Variants in PDE7B observed in about 807,000 individuals in gnomAD.
The protein encoded by PDE7B is 3',5'-cyclic-AMP phosphodiesterase 7B.
In PDE7B, 29 loss-of-function variants were observed where a neutral mutation model predicts 56.2. The observed-to-expected ratio is 0.52, with a 90% confidence interval of 0.38 to 0.70. The LOEUF is 0.70. PDE7B is among the 30% of genes least tolerant of loss of function. The pLI is 0.00. For synonymous variants in PDE7B, 197 were observed against 196.9 expected, an observed-to-expected ratio of 1.00 and a Z score of 0.00; for missense variants, 490 against 565.0, an observed-to-expected ratio of 0.87 and a Z score of 1.35.
chr6:136,062,621 A>T (rs1214901829), intron 2 of PDE7B, among the ~76,000 whole-genome samples: 1 of 152,174 alleles, frequency 6.6e-6, no homozygotes, highest in Non-Finnish European at 1.5e-5. Flanking sequence ...AGATGTCAGG[A>T]TCACTGAGGT....
At chr6:136,009,366 G>A (rs543986517) in intron 2 of PDE7B, among the ~76,000 whole-genome samples, 1 of 152,150 alleles carries the variant, frequency 6.6e-6, no homozygotes, top group African/African-American at 2.4e-5. Flanking sequence ...TTCTAATTCT[G>A]TGAAGAAAGT....
intron 2 of PDE7B, among the ~76,000 whole-genome samples, chr6:135,972,089 C>T (rs1775102875): frequency 6.6e-6 from 1 of 151,976 alleles, no homozygotes; most frequent in Non-Finnish European, 1.5e-5. Context: ...ACACAATTAG[C>T]TGGGTGTGGT....
intron 2 of PDE7B, among the ~76,000 whole-genome samples, chr6:136,037,077 C>G (rs1395136082): frequency 6.6e-6 from 1 of 152,228 alleles, no homozygotes; most frequent in Non-Finnish European, 1.5e-5. Context: ...TTCAACCACT[C>G]TCAGGTCGGG....
intron 2 of PDE7B, among the ~76,000 whole-genome samples, chr6:136,032,733 A>C (rs945620283): frequency 6.6e-6 from 1 of 152,198 alleles, no homozygotes; most frequent in African/African-American, 2.4e-5. Flanking sequence ...TGTTTAATGA[A>C]CTTGTCAACT....
intron 1 of PDE7B, among the ~76,000 whole-genome samples, chr6:135,909,858 G>A (rs1281477418): frequency 6.6e-6 from 1 of 152,118 alleles, no homozygotes; most frequent in Admixed American, 6.5e-5. Flanking sequence ...GTCAGCAGCC[G>A]TAGACTCGGA....
intron 11 of PDE7B, among the ~76,000 whole-genome samples, chr6:136,184,375 T>C (rs974624181): frequency 6.6e-6 from 1 of 152,192 alleles, no homozygotes. Context: ...GAATCTGAGC[T>C]CAGTTTTGAG....
At chr6:135,963,418 C>T (rs1012283858) in intron 2 of PDE7B, among the ~76,000 whole-genome samples, 2 of 152,086 alleles carry the variant, frequency 1.3e-5, no homozygotes, top group African/African-American at 2.4e-5. Flanking sequence ...AGAGAAGAAA[C>T]GGAGAGAAAT....
chr6:136,149,237 G>C (rs1778470796), intron 5 of PDE7B, 87 bp downstream of exon 5: 4 of 865,802 alleles, frequency 4.6e-6, no homozygotes, highest in Admixed American at 3.8e-5. Flanking sequence ...TTTAAACACT[G>C]CTATTCCTTT....
chr6:135,925,585 A>G (rs1276938024), intron 1 of PDE7B, among the ~76,000 whole-genome samples: 2 of 152,188 alleles, frequency 1.3e-5, no homozygotes, highest in Non-Finnish European at 2.9e-5. Context: ...ACCTTGCCAC[A>G]AAACACCCAA....
chr6:136,074,960 C>T (rs1777107417), intron 2 of PDE7B, among the ~76,000 whole-genome samples: 1 of 152,178 alleles, frequency 6.6e-6, no homozygotes, highest in Non-Finnish European at 1.5e-5. Context: ...GAAATTTCTG[C>T]ATCATATGGT....
chr6:135,909,821 C>T (rs1776180688), intron 1 of PDE7B, among the ~76,000 whole-genome samples: 1 of 152,058 alleles, frequency 6.6e-6, no homozygotes, highest in South Asian at 2.1e-4. Flanking sequence ...CTGGTGGAGA[C>T]AAAAGTGCAA....
intron 1 of PDE7B, among the ~76,000 whole-genome samples, chr6:135,892,178 G>A (rs1283444258): frequency 6.6e-6 from 1 of 152,106 alleles, no homozygotes; most frequent in African/African-American, 2.4e-5. Flanking sequence ...GTAGAAATAA[G>A]TCTCATGACT....
chr6:135,919,866 T>A (rs917574971), intron 1 of PDE7B, among the ~76,000 whole-genome samples: 1 of 152,148 alleles, frequency 6.6e-6, no homozygotes, highest in Non-Finnish European at 1.5e-5. Flanking sequence ...CTGAAGAAAC[T>A]CTGCCTCATC....
chr6:136,138,215 C>T (rs1016853153), intron 3 of PDE7B, among the ~76,000 whole-genome samples: 7 of 152,172 alleles, frequency 4.6e-5, no homozygotes, highest in African/African-American at 9.6e-5. Flanking sequence ...TAATCATTTA[C>T]GTTTCTACCC....
chr6:135,851,772 C>G lies in PDE7B; in HGVS notation c.-227C>G. 1.9e-6 allele frequency: 1 copy of G among 532,788 alleles called. No individual in the cohort carries two copies. Among genetic ancestry groups the G allele is most frequent in the Non-Finnish European group, 3.3e-6 (1 of 300,964 alleles). The allele number at this position is 532,788 out of a possible 1,614,324, so 33.0% of individuals were successfully genotyped here. A position where few individuals can be genotyped will look rare whatever the true frequency, so the allele number is the denominator to read the frequency against. On this transcript the variant is annotated 5_prime_UTR_variant, in exon 1 of 13. Coordinates refer to ENST00000308191, the MANE Select transcript of PDE7B (RefSeq NM_018945.4). ...TCTGGGAGAAAAGTGGTGTTACTCA[C>G]CCAGGGAGAGTCTCTCTTTCTACCT...
chr6:135,857,064 CCCTTCCTTCCTT>C (rs1263611439), intron 1 of PDE7B, among the ~76,000 whole-genome samples: 6 of 113,392 alleles, frequency 5.3e-5, no homozygotes, highest in African/African-American at 1.9e-4. Flanking sequence ...CTTCCTTCCT[CCCTTCCTTCCTT>C]CCTTTTCATT....
At chr6:135,897,304 G>A (rs75173895) in intron 1 of PDE7B, among the ~76,000 whole-genome samples, 15,320 of 151,924 alleles carry the variant, frequency 0.1, 786 homozygotes, top group African/African-American at 0.12. Context: ...GTGTGTAGGC[G>A]GAGGAAGGAG....
chr6:135,961,255 ATGTGTGTGTGTGTGTGTGTGTGTGTATG>A (rs1773836229), intron 2 of PDE7B, among the ~76,000 whole-genome samples: 2 of 146,086 alleles, frequency 1.4e-5, no homozygotes, highest in Non-Finnish European at 3.0e-5. Context: ...TAGAGTGTAT[ATGTGTGTGTGTGTGTGTGTGTGTGTATG>A]TGTGTGTGTG....
At position 136,129,759 on chromosome 6, in the gene PDE7B, T is replaced by C. The variant is rs573075265; in HGVS notation, c.167-17592T>C. Among the ~76,000 whole-genome samples, 16 of 152,332 alleles carry C rather than the reference T, an allele frequency of 1.1e-4. 1 individual carries two copies. Among genetic ancestry groups the C allele is most frequent in the Non-Finnish European group, 2.1e-4 (14 of 68,020 alleles). ...TTTGGCCATTCTAAAAGTACTCAGC[T>C]AAATTTATTCTAAAATGCTAGGTCT... is the stretch of plus-strand genomic sequence containing the variant. On this transcript the variant is annotated intron_variant, in intron 3 of 12. Coordinates refer to ENST00000308191, the MANE Select transcript of PDE7B (RefSeq NM_018945.4).
Sources: gnomAD v4.1 joint callset for allele counts (sites outside exome capture counted in the v4.1 genomes callset) on GRCh38, gnomAD v4.1.1 for gene constraint, MANE v1.5 for transcripts, NCBI Gene and HGNC (gene_info 2026-07-23, HGNC 2026-07-21) for gene names.